Variants in PBXIP1 observed in about 807,000 individuals in gnomAD.
The protein encoded by PBXIP1 is pre-B-cell leukemia transcription factor-interacting protein 1.
Under a neutral mutation model 73.7 loss-of-function variants are expected in PBXIP1, and 73 were observed. The observed-to-expected ratio is 0.99, with a 90% CI of 0.82 to 1.20. PBXIP1 has a LOEUF of 1.20. Among genes scored for constraint, PBXIP1 ranks in the 50% most tolerant of loss-of-function variants. The pLI is 0.00. For synonymous variants in PBXIP1, 330 were observed against 366.9 expected, an observed-to-expected ratio of 0.90 and a Z score of 1.15; for missense variants, 818 against 911.4, an observed-to-expected ratio of 0.90 and a Z score of 1.32.
Position 154,946,773 on chromosome 1 carries a change from G to C in PBXIP1, c.901C>G (p.His301Asp). 3.4e-5 allele frequency: 53 copies of C among 1,554,650 alleles called. No homozygotes were observed. Among genetic ancestry groups the C allele is most frequent in the Non-Finnish European group, 4.6e-5 (53 of 1,150,094 alleles). The change falls in exon 10 of 11, where the codon CAC becomes GAC. Residue 301 changes from histidine (H) to aspartate (D), a missense_variant. His to Asp is a moderately conservative substitution (Grantham distance 81). Coordinates refer to ENST00000368463, the MANE Select transcript of PBXIP1 (RefSeq NM_020524.4). ...TCCTCCTCTAGCCCTTTGGGCTGGT[G>C]CATCAGGCTCTGAAGCTCTTCCTTT... ...AQKEELQSLMHQPKGLEEENA... is the reference protein window; with the variant it reads ...AQKEELQSLMDQPKGLEEENA...
chr1:154,948,412 G>A (rs766296348), intron 5 of PBXIP1, 46 bp from the exon 6 acceptor site: 2 of 1,352,124 alleles, frequency 1.5e-6, no homozygotes, highest in Middle Eastern at 2.3e-4. Context: ...CTGGAGAGAT[G>A]GGGAGACACA....
At position 154,945,594 on chromosome 1, in the gene PBXIP1, C is replaced by A. The variant is rs558296612; in HGVS notation, c.2080G>T (p.Gly694Ter). ...FEDFIFSHFFGDKALKKRSGK... is the reference protein window; with the variant it reads ...FEDFIFSHFF Reference sequence around the variant, plus strand: ...CACCTCTTCTTCAGTGCTTTGTCTCCAAAGAAGTGGCTGAAGATGAAGTCC... The same window carrying A: ...CACCTCTTCTTCAGTGCTTTGTCTCAAAAGAAGTGGCTGAAGATGAAGTCC... The change falls in exon 10 of 11, where the codon GGA becomes TGA. Residue 694 changes from glycine (G) to a stop codon, truncating the protein, a stop_gained. Transcript: ENST00000368463. LOFTEE classifies it low-confidence loss of function (END_TRUNC). 20 of 1,613,886 alleles carry A rather than the reference C, an allele frequency of 1.2e-5. No homozygotes were observed. In the East Asian group the frequency reaches 4.5e-4, roughly 36 times the overall value.
Position 154,951,864 on chromosome 1 carries a change from C to A in PBXIP1, c.109G>T (p.Ala37Ser), listed in dbSNP as rs756476852. 6.2e-7 allele frequency: 1 copy of A among 1,613,360 alleles called. No homozygotes were observed. The highest frequency in any genetic ancestry group is 1.3e-5 in the African/African-American group (1 of 74,854). Residue 37 changes from alanine to serine, a missense_variant, in exon 3 of 11, where the codon GCC becomes TCC. By Grantham distance (99) the Ala-to-Ser change is moderately conservative. Coordinates refer to ENST00000368463, the MANE Select transcript of PBXIP1 (RefSeq NM_020524.4). The surrounding 1 kb of genome is among the most constrained non-coding windows in gnomAD (Gnocchi z 4.3). ...ASRMDPESER[A>S]LQAPHSPSKT... is the part of the protein sequence containing the mutation. ...GAGGGGCTGTGAGGGGCCTGCAGGG[C>A]TCTCTCAGATTCTGGGTCCATCCTG...
Position 154,946,261 on chromosome 1 carries a change from C to G in PBXIP1, c.1413G>C (p.Glu471Asp). 6.2e-7 allele frequency: 1 copy of G among 1,614,214 alleles called. No homozygotes were observed. Among genetic ancestry groups the G allele is most frequent in the Non-Finnish European group, 8.5e-7 (1 of 1,180,040 alleles). ...CCCACCACTTTTCCTTTCCACTCCA[C>G]TCCCTAGAATTCTGGAAGTGGGACT... ...HQKSHFQNSR[E>D]WSGKEKWWDG... is the part of the protein sequence containing the mutation. Residue 471 changes from glutamate to aspartate, a missense_variant, in exon 10 of 11, where the codon GAG (glutamate) becomes GAC (aspartate). Transcript: ENST00000368463.
chr1:154,951,508 TGA>T lies in PBXIP1; in HGVS notation c.204_205del (p.Gln69ValfsTer10). The T allele has an allele frequency of 6.2e-7, 1 of 1,614,080 alleles. No homozygotes were observed. Among genetic ancestry groups the T allele is most frequent in the South Asian group, 1.1e-5 (1 of 91,080 alleles). ...CTCCTCTGTTAGAATGCTGCCAGACTGAGGGCTTTCAGTCTGGAAGAGCGTCC... is the reference window on the plus strand; with the variant it reads ...CTCCTCTGTTAGAATGCTGCCAGACTGGGCTTTCAGTCTGGAAGAGCGTCC... On this transcript the variant is annotated frameshift_variant, in exon 4 of 11. Transcript: ENST00000368463. LOFTEE classifies it high-confidence loss of function. The surrounding 1 kb of genome is among the most constrained non-coding windows in gnomAD (Gnocchi z 4.3).
intron 2 of PBXIP1, among the ~76,000 whole-genome samples, chr1:154,952,935 C>T (rs536182920): frequency 1.3e-5 from 2 of 152,296 alleles, no homozygotes; most frequent in African/African-American, 2.4e-5. Context: ...AGCTTCTCTC[C>T]TCCTCCCCTC....
chr1:154,947,378 G>A, intron 9 of PBXIP1, 39 bp downstream of exon 9: 1 of 1,612,206 alleles, frequency 6.2e-7, no homozygotes. Flanking sequence ...CCTGGCCTAG[G>A]TGGGTTACCC....
At chr1:154,947,603 A>C (rs1199347559) in intron 8 of PBXIP1, 39 bp downstream of exon 8, 2 of 1,610,212 alleles carry the variant, frequency 1.2e-6, no homozygotes, top group East Asian at 4.5e-5. Context: ...GGTTCTCCCC[A>C]GCCAGGCCCC....
At chr1:154,947,190 T>C in intron 9 of PBXIP1, 1 of 617,036 alleles carries the variant, frequency 1.6e-6, no homozygotes, top group Non-Finnish European at 3.0e-6. Context: ...TCACAGGTGA[T>C]ACCATGTATG....
At chr1:154,945,331 G>A (rs531865381) in intron 10 of PBXIP1, among the ~76,000 whole-genome samples, 2 of 152,298 alleles carry the variant, frequency 1.3e-5, no homozygotes, top group South Asian at 2.1e-4. Flanking sequence ...GGTAGAGGTA[G>A]GGCAGGGCAA....
rs1291880019 is a variant in PBXIP1, at chr1:154,946,121, T to C, written c.1553A>G (p.Lys518Arg). Residue 518 changes from lysine to arginine, a missense_variant, in exon 10 of 11, where the codon AAG (lysine) becomes AGG (arginine). Coordinates refer to ENST00000368463, the MANE Select transcript of PBXIP1 (RefSeq NM_020524.4). ...QEDREPAGRW[K>R]EGRPRVEESG... is the part of the protein sequence containing the mutation. ...CTCCTCCACCCTTGGCCTGCCCTCC[T>C]TCCACCTTCCTGCTGGCTCCCTGTC... The C allele has an allele frequency of 6.2e-7, 1 of 1,614,128 alleles. No individual in the cohort carries two copies. The highest frequency in any genetic ancestry group is 1.7e-5 in the Admixed American group (1 of 60,014).
Position 154,951,370 on chromosome 1 carries a change from C to A in PBXIP1, c.271G>T (p.Val91Leu). The stretch of plus-strand genomic sequence containing the variant: ...GTGTCTCCTGGGCCAGGAGGCTCCA[C>A]ACCACAAACATCACCTTCCAGGGTG... The part of the protein sequence containing the change: ...KGTLEGDVCG[V>L]EPPGPGDTVV... The change falls in exon 5 of 11, where the codon GTG becomes TTG. Residue 91 changes from valine (V) to leucine (L), a missense_variant. By Grantham distance (32) the Val-to-Leu change is conservative. Coordinates refer to ENST00000368463, the MANE Select transcript of PBXIP1 (RefSeq NM_020524.4). This position sits in a 1 kb window ranked among gnomAD's most constrained non-coding sequence, Gnocchi z 4.3. 6.2e-7 allele frequency: 1 copy of A among 1,614,168 alleles called. No homozygotes were observed. The highest frequency in any genetic ancestry group is 1.1e-5 in the South Asian group (1 of 91,082).
In PBXIP1 at chr1:154,945,757, T is replaced by C. The variant is rs1654784338; in HGVS notation, c.1917A>G (p.Ser639=). 1 of 1,613,980 alleles carries C rather than the reference T, an allele frequency of 6.2e-7. No individual in the cohort carries two copies. Among genetic ancestry groups the C allele is most frequent in the Admixed American group, 1.7e-5 (1 of 60,002 alleles). ...TGCCATCCTCACCAAAGAAAGCAGG[T>C]GAGAGGGGTAGCTCCTTGGTCAGCT... ...AGQLTKELPL[S]PAFFGEDGIF... Residue 639 remains serine (S), a synonymous_variant, in exon 10 of 11, where the codon TCA becomes TCG. Coordinates refer to ENST00000368463, the MANE Select transcript of PBXIP1 (RefSeq NM_020524.4).
intron 2 of PBXIP1, among the ~76,000 whole-genome samples, chr1:154,953,119 T>C (rs1434651175): frequency 1.3e-5 from 2 of 152,156 alleles, no homozygotes; most frequent in Admixed American, 1.3e-4. Context: ...AGGGGGTCTT[T>C]GAAACACTCT....
Position 154,946,618 on chromosome 1 carries a change from C to T in PBXIP1, c.1056G>A (p.Val352=), listed in dbSNP as rs141929792. 1.7e-4 allele frequency: 282 copies of T among 1,612,710 alleles called. No individual in the cohort carries two copies. The highest frequency in any genetic ancestry group is 2.2e-4 in the Non-Finnish European group (260 of 1,179,322). ...EADCVRGPDG[V]CLSGGRGPQG... ...GTGGGCCTCTACCCCCACTGAGGCA[C>T]ACCCCATCTGGGCCCCGGACACAGT... The change falls in exon 10 of 11, where the codon GTG becomes GTA. Residue 352 remains valine, a synonymous_variant. Coordinates refer to ENST00000368463, the MANE Select transcript of PBXIP1 (RefSeq NM_020524.4).
intron 1 of PBXIP1, among the ~76,000 whole-genome samples, chr1:154,955,625 T>G (rs1002974282): frequency 1.3e-5 from 2 of 152,328 alleles, no homozygotes; most frequent in Non-Finnish European, 2.9e-5. Context: ...CACCCTTCCC[T>G]GCTGTGTTTC....
At position 154,946,485 on chromosome 1, in the gene PBXIP1, C is replaced by T; in HGVS notation, c.1189G>A (p.Glu397Lys). 6.2e-7 allele frequency: 1 copy of T among 1,609,048 alleles called. No individual in the cohort carries two copies. The highest frequency in any genetic ancestry group is 1.1e-5 in the South Asian group (1 of 91,090). ...AGCAGCCGTCGCTGCCTCTCTAACT[C>T]TTGCCTTAATGCCTGTGCCTCAGCC... ...LEAEAQALRQ[E>K]LERQRRLLGS... The change falls in exon 10 of 11, where the codon GAG (glutamate) becomes AAG (lysine). Residue 397 changes from glutamate (E) to lysine (K), a missense_variant. Coordinates refer to ENST00000368463, the MANE Select transcript of PBXIP1 (RefSeq NM_020524.4).
chr1:154,946,449 G>A lies in PBXIP1; in HGVS notation c.1225C>T (p.Gln409Ter). 5 of 1,609,160 alleles carry A rather than the reference G, an allele frequency of 3.1e-6. No homozygotes were observed. Among genetic ancestry groups the A allele is most frequent in the Non-Finnish European group, 4.2e-6 (5 of 1,180,002 alleles). Residue 409 changes from glutamine to a stop codon, truncating the protein, a stop_gained, in exon 10 of 11, where the codon CAG becomes TAG. Transcript: ENST00000368463. LOFTEE classifies it high-confidence loss of function. The stretch of plus-strand genomic sequence containing the variant: ...TGCAAGCTCCTCTCCAGATCCTGCT[G>A]TACAGACCCCAGCAGCCGTCGCTGC... ...ERQRRLLGSV[Q>*]QDLERSLQDA...
chr1:154,948,373 GA>G lies in PBXIP1; in HGVS notation c.410-8del. On this transcript the variant is annotated splice_polypyrimidine_tract_variant and splice_region_variant and intron_variant, in intron 5 of 10. Transcript: ENST00000368463. ...CCCTCCTCCCTGATCCAAGCTAGGG[GA>G]AAGGACAGGGACAGGGCAGTGAGGT... 6.4e-7 allele frequency: 1 copy of G among 1,565,942 alleles called. No homozygotes were observed.
Sources: allele counts gnomAD v4.1 joint callset (sites outside exome capture counted in the v4.1 genomes callset), GRCh38; gene constraint gnomAD v4.1.1; non-coding constraint Gnocchi (gnomAD v3.1); transcripts MANE v1.5; gene names NCBI Gene and HGNC (gene_info 2026-07-23, HGNC 2026-07-21).